Variants in HSF5 observed in about 807,000 individuals in gnomAD.
The protein encoded by HSF5 is heat shock transcription factor 5, also known as heat shock factor protein 5.
HSF5 carries 5 observed loss-of-function variants against 50.8 expected under a neutral mutation model. The observed-to-expected ratio is 0.10, with a 90% CI of 0.05 to 0.21. HSF5 has a LOEUF of 0.21. Among genes scored for constraint, HSF5 ranks in the 10% least tolerant of loss-of-function variants. HSF5 has a pLI of 1.00. For synonymous variants in HSF5, 307 were observed against 307.4 expected (o/e 1.00, Z 0.02); for missense variants, 564 against 762.6 (o/e 0.74, Z 3.07).
At chr17:58,428,367 A>G (rs1271285204) in intron 5 of HSF5, among the ~76,000 whole-genome samples, 1 of 152,188 alleles carries the variant, frequency 6.6e-6, no homozygotes, top group Non-Finnish European at 1.5e-5. Context: ...GCAAATCAAA[A>G]CCACAATGAA....
intron 3 of HSF5, among the ~76,000 whole-genome samples, chr17:58,465,294 T>C (rs1974849486): frequency 1.3e-5 from 2 of 151,724 alleles, no homozygotes; most frequent in Non-Finnish European, 2.9e-5. Context: ...AGAGCTGGGA[T>C]TATAAGGCAT....
At chr17:58,462,737 T>C in intron 4 of HSF5, 45 bp downstream of exon 4, 1 of 1,509,490 alleles carries the variant, frequency 6.6e-7, no homozygotes, top group Non-Finnish European at 8.9e-7. Flanking sequence ...GCAGAAGTAC[T>C]AGGTACTTTG....
At chr17:58,455,676 A>G (rs577998697) in intron 5 of HSF5, among the ~76,000 whole-genome samples, 1 of 152,284 alleles carries the variant, frequency 6.6e-6, no homozygotes, top group South Asian at 2.1e-4. Context: ...AATGAGCAAA[A>G]GACCTGAATA....
In HSF5 at chr17:58,438,894, A is replaced by C. The variant is rs149898678; in HGVS notation, c.1721-16464T>G. On this transcript the variant is annotated intron_variant, in intron 5 of 5. Coordinates refer to ENST00000323777, the MANE Select transcript of HSF5 (RefSeq NM_001080439.3). ...CACTTTGGGAGGCTAAGTTGGGAGGATTGCTTGAGACCAGGAGTTGGAGAT... is the reference window on the plus strand; with the variant it reads ...CACTTTGGGAGGCTAAGTTGGGAGGCTTGCTTGAGACCAGGAGTTGGAGAT... Among the ~76,000 whole-genome samples, 778 of 152,032 alleles carry C rather than the reference A, an allele frequency of 5.1e-3. 5 individuals carry two copies. Among genetic ancestry groups the C allele is most frequent in the African/African-American group, 0.018 (753 of 41,448 alleles).
At chr17:58,433,707 A>T (rs570417737) in intron 5 of HSF5, among the ~76,000 whole-genome samples, 1 of 152,264 alleles carries the variant, frequency 6.6e-6, no homozygotes, top group Non-Finnish European at 1.5e-5. Flanking sequence ...AATTAAGTAA[A>T]ATACGGACTG....
At chr17:58,438,595 T>C (rs1974457449) in intron 5 of HSF5, among the ~76,000 whole-genome samples, 1 of 152,028 alleles carries the variant, frequency 6.6e-6, no homozygotes, top group Admixed American at 6.6e-5. Context: ...CAAGTGAACA[T>C]ACAACCATGG....
At chr17:58,429,850 A>AAAG (rs1463254735) in intron 5 of HSF5, among the ~76,000 whole-genome samples, 2 of 151,968 alleles carry the variant, frequency 1.3e-5, no homozygotes, top group African/African-American at 2.4e-5. Context: ...TGTAAAAAAA[A>AAAG]AAAAAAATTA....
intron 4 of HSF5, among the ~76,000 whole-genome samples, chr17:58,462,506 T>C (rs766266853): frequency 2.0e-5 from 3 of 152,166 alleles, no homozygotes; most frequent in Non-Finnish European, 2.9e-5. Flanking sequence ...GTTTATAACA[T>C]GAAAATAAGC....
chr17:58,467,814 T>C (rs1974888818), intron 2 of HSF5, among the ~76,000 whole-genome samples: 1 of 152,238 alleles, frequency 6.6e-6, no homozygotes, highest in Non-Finnish European at 1.5e-5. Flanking sequence ...CTCTTGGTAC[T>C]AGCAAAGTTA....
intron 5 of HSF5, among the ~76,000 whole-genome samples, chr17:58,433,911 A>ATTTTTTTTTTTTT (rs59043902): frequency 1.8e-5 from 2 of 109,338 alleles, no homozygotes; most frequent in African/African-American, 3.6e-5. Flanking sequence ...GGTCAAAGGG[A>ATTTTTTTTTTTTT]TTTTTTTTTT....
rs372443880 is a variant in HSF5, at chr17:58,473,165, A to C, written c.926-6186T>G. Among the ~76,000 whole-genome samples the C allele has an allele frequency of 1.8e-4, 28 of 152,284 alleles. No individual in the cohort carries two copies. The East Asian group carries it at 4.2e-3, about 23-fold the overall frequency. ...CCTCAGTTTCCTCATCTTTAAAATG[A>C]GGATAATTACACTATTTTATAAAAG... On this transcript the variant is annotated intron_variant, in intron 2 of 5. Coordinates refer to ENST00000323777, the MANE Select transcript of HSF5 (RefSeq NM_001080439.3).
At chr17:58,435,878 G>A (rs1281552541) in intron 5 of HSF5, among the ~76,000 whole-genome samples, 6 of 128,678 alleles carry the variant, frequency 4.7e-5, no homozygotes, top group Admixed American at 9.4e-5. Context: ...CAGCCTGGGC[G>A]ACAGAGCGAG....
intron 5 of HSF5, among the ~76,000 whole-genome samples, chr17:58,453,244 G>T (rs1479710818): frequency 6.6e-6 from 1 of 151,926 alleles, no homozygotes; most frequent in African/African-American, 2.4e-5. Context: ...AACAAAAAAA[G>T]AAAACTACAG....
At chr17:58,471,673 C>T (rs1260305358) in intron 2 of HSF5, among the ~76,000 whole-genome samples, 3 of 149,182 alleles carry the variant, frequency 2.0e-5, no homozygotes, top group Non-Finnish European at 3.0e-5. Flanking sequence ...TGGTCTCAAA[C>T]TCCTGGCTTC....
intron 2 of HSF5, among the ~76,000 whole-genome samples, chr17:58,467,316 C>A (rs556408999): frequency 6.6e-6 from 1 of 152,050 alleles, no homozygotes; most frequent in Non-Finnish European, 1.5e-5. Context: ...TATTGAAATT[C>A]CAAAATAAGT....
rs567547588 is a variant in HSF5, at chr17:58,454,160, T to C, written c.1720+4608A>G. 3.3e-5 allele frequency among the ~76,000 whole-genome samples: 5 copies of C among 151,950 alleles called. No homozygotes were observed. In the East Asian group the frequency reaches 9.7e-4, roughly 29 times the overall value. On this transcript the variant is annotated intron_variant, in intron 5 of 5. Transcript: ENST00000323777. ...TTATCTGCTGACCTTCCCTCCACTA[T>C]TGTCCTATGACCCTGCCAAATCCCC...
chr17:58,477,986 TG>T (rs1367327449), intron 2 of HSF5, among the ~76,000 whole-genome samples: 5 of 152,048 alleles, frequency 3.3e-5, no homozygotes, highest in Non-Finnish European at 7.4e-5. Context: ...CTTCTCTTTC[TG>T]GTCTTTTCTG....
At chr17:58,483,067 T>G (rs1221442385) in intron 1 of HSF5, among the ~76,000 whole-genome samples, 5 of 151,448 alleles carry the variant, frequency 3.3e-5, no homozygotes. Flanking sequence ...AAGAGGTGTT[T>G]CTGCATGTCC....
chr17:58,438,976 A>C lies in HSF5; in HGVS notation c.1721-16546T>G, dbSNP rs188912569. On this transcript the variant is annotated intron_variant, in intron 5 of 5. Transcript: ENST00000323777. Reference sequence around the variant, plus strand: ...TTTGAAAAGTAAAAAAAAATCAGCTAGGTGTGGTGGCATGTGCCTGTAGTC... The same window carrying C: ...TTTGAAAAGTAAAAAAAAATCAGCTCGGTGTGGTGGCATGTGCCTGTAGTC... Among the ~76,000 whole-genome samples, 5 of 151,772 alleles carry C rather than the reference A, an allele frequency of 3.3e-5. No individual in the cohort carries two copies. In the East Asian group the frequency reaches 9.7e-4, roughly 29 times the overall value.
Sources: allele counts gnomAD v4.1 joint callset (sites outside exome capture counted in the v4.1 genomes callset), GRCh38; gene constraint gnomAD v4.1.1; transcripts MANE v1.5; gene names NCBI Gene and HGNC (gene_info 2026-07-23, HGNC 2026-07-21).